GAS1: variants seen among roughly 807,000 people sequenced by gnomAD.
GAS1 encodes the protein growth arrest specific 1.
In GAS1, 10 loss-of-function variants were observed where a neutral mutation model predicts 21.6. The ratio of observed to expected loss-of-function variants is 0.46; its 90% CI spans 0.29 to 0.79. The LOEUF (loss-of-function observed/expected upper bound fraction) is 0.79, where lower values mean the gene tolerates loss of function less well. Among genes scored for constraint, GAS1 ranks in the 30% least tolerant of loss-of-function variants. The probability of loss-of-function intolerance (pLI) is 0.10; values close to 1 mark genes in which losing one functional copy is unlikely to be tolerated. For missense variants in GAS1, 567 were observed against 544.3 expected, an observed-to-expected ratio of 1.04 and a Z score of -0.42; for synonymous variants, 332 against 264.0, an observed-to-expected ratio of 1.26 and a Z score of -2.50.
In GAS1 at chr9:86,946,010, G is replaced by A. The variant is rs766456958; in HGVS notation, c.770C>T (p.Ser257Leu). Residue 257 changes from serine (S) to leucine (L), a missense_variant, in exon 1 of 1, where the codon TCG becomes TTG. Coordinates refer to ENST00000298743, the MANE Select transcript of GAS1 (RefSeq NM_002048.3). This position sits in a 1 kb window ranked among gnomAD's most constrained non-coding sequence, Gnocchi z 5.2. ...ELGNGPGSSG[S>L]DGGLDDYYDE... ...GTAGTAGTCGTCCAGGCCCCCGTCC[G>A]AGCCGCTGCTGCCGGGGCCGTTGCC... is the stretch of plus-strand genomic sequence containing the variant. 3.7e-6 allele frequency: 6 copies of A among 1,608,270 alleles called. No homozygotes were observed. In the East Asian group the frequency reaches 8.9e-5, roughly 24 times the overall value.
At position 86,945,910 on chromosome 9, in the gene GAS1, G is replaced by A; in HGVS notation, c.870C>T (p.Val290=). 6.4e-7 allele frequency: 1 copy of A among 1,555,012 alleles called. No individual in the cohort carries two copies. Among genetic ancestry groups the A allele is most frequent in the Non-Finnish European group, 8.7e-7 (1 of 1,153,494 alleles). The part of the protein sequence containing the change: ...GEQPLDDDDG[V]PHPPRPGSGA... ...CGCTGCCCGGGCGCGGTGGGTGCGG[G>A]ACGCCGTCGTCGTCGTCCAGCGGCT... The change falls in exon 1 of 1, where the codon GTC becomes GTT. Residue 290 remains valine (V), a synonymous_variant. Coordinates refer to ENST00000298743, the MANE Select transcript of GAS1 (RefSeq NM_002048.3).
At position 86,946,814 on chromosome 9, in the gene GAS1, A is replaced by G; in HGVS notation, c.-35T>C. 1.6e-6 allele frequency: 1 copy of G among 622,574 alleles called. No homozygotes were observed. 38.6% of individuals were successfully genotyped at this position (622,574 alleles called of 1,614,324 possible). A position where few individuals can be genotyped will look rare whatever the true frequency, so the allele number is the denominator to read the frequency against. On this transcript the variant is annotated 5_prime_UTR_variant, in exon 1 of 1. Transcript: ENST00000298743. This position sits in a 1 kb window ranked among gnomAD's most constrained non-coding sequence, Gnocchi z 5.2. ...CGGCGGCCGCCGGGAGAGGAGGGGAAAGGAGACGAGGCGCGGGGAGCGGCG... is the reference window on the plus strand; with the variant it reads ...CGGCGGCCGCCGGGAGAGGAGGGGAGAGGAGACGAGGCGCGGGGAGCGGCG...
In GAS1 at chr9:86,945,976, G is replaced by A. The variant is rs1825481038; in HGVS notation, c.804C>T (p.Asp268=). The A allele has an allele frequency of 6.2e-7, 1 of 1,606,978 alleles. No homozygotes were observed. Among genetic ancestry groups the A allele is most frequent in the South Asian group, 1.1e-5 (1 of 90,588 alleles). ...DGGLDDYYDE[D]YDDEQRTGGA... ...CCCCGGTGCGCTGCTCGTCATCGTAGTCCTCATCGTAGTAGTCGTCCAGGC... is the reference window on the plus strand; with the variant it reads ...CCCCGGTGCGCTGCTCGTCATCGTAATCCTCATCGTAGTAGTCGTCCAGGC... Residue 268 remains aspartate, a synonymous_variant, in exon 1 of 1, where the codon GAC becomes GAT. Coordinates refer to ENST00000298743, the MANE Select transcript of GAS1 (RefSeq NM_002048.3).
chr9:86,946,413 G>A lies in GAS1; in HGVS notation c.367C>T (p.Pro123Ser). 2 of 1,491,896 alleles carry A rather than the reference G, an allele frequency of 1.3e-6. No individual in the cohort carries two copies. The highest frequency in any genetic ancestry group is 8.9e-7 in the Non-Finnish European group (1 of 1,125,302). 92.4% of individuals were successfully genotyped at this position (1,491,896 alleles called of 1,614,324 possible). Residue 123 changes from proline to serine, a missense_variant, in exon 1 of 1, where the codon CCC (proline) becomes TCC (serine). Transcript: ENST00000298743. The surrounding 1 kb of genome is among the most constrained non-coding windows in gnomAD (Gnocchi z 5.2). Reference protein sequence around the residue: ...LIQLNHTRRGPALEDCDCAQD... With the variant: ...LIQLNHTRRGSALEDCDCAQD... ...GCGCAGTCACAGTCCTCCAGGGCGGGCCCGCGGCGCGTGTGGTTGAGCTGA... is the reference window on the plus strand; with the variant it reads ...GCGCAGTCACAGTCCTCCAGGGCGGACCCGCGGCGCGTGTGGTTGAGCTGA...
chr9:86,946,846 G>A lies in GAS1; in HGVS notation c.-67C>T, dbSNP rs556300006. On this transcript the variant is annotated 5_prime_UTR_variant, in exon 1 of 1. Coordinates refer to ENST00000298743, the MANE Select transcript of GAS1 (RefSeq NM_002048.3). This position sits in a 1 kb window ranked among gnomAD's most constrained non-coding sequence, Gnocchi z 5.2. ...CGAGGCGCGGGGAGCGGCGGACGCG[G>A]AGCCGGTGGAAAAGTTTGTCCAAGT... 41 of 457,130 alleles carry A rather than the reference G, an allele frequency of 9.0e-5. No homozygotes were observed. Among genetic ancestry groups the A allele is most frequent in the Middle Eastern group, 6.5e-4 (1 of 1,534 alleles). 28.3% of individuals were successfully genotyped at this position (457,130 alleles called of 1,614,324 possible). A position where few individuals can be genotyped will look rare whatever the true frequency, so the allele number is the denominator to read the frequency against.
chr9:86,946,030 G>T lies in GAS1; in HGVS notation c.750C>A (p.Asn250Lys). 2 of 1,608,002 alleles carry T rather than the reference G, an allele frequency of 1.2e-6. No individual in the cohort carries two copies. ...ARLCFGAELG[N>K]GPGSSGSDGG... The stretch of plus-strand genomic sequence containing the variant: ...CGTCCGAGCCGCTGCTGCCGGGGCC[G>T]TTGCCCAGCTCGGCGCCGAAGCACA... The change falls in exon 1 of 1, where the codon AAC (asparagine) becomes AAA (lysine). Residue 250 changes from asparagine (N) to lysine (K), a missense_variant. Coordinates refer to ENST00000298743, the MANE Select transcript of GAS1 (RefSeq NM_002048.3). This position sits in a 1 kb window ranked among gnomAD's most constrained non-coding sequence, Gnocchi z 5.2.
Position 86,946,997 on chromosome 9 carries a change from G to A in GAS1, c.-218C>T, listed in dbSNP as rs1165091983. On this transcript the variant is annotated 5_prime_UTR_variant, in exon 1 of 1. Transcript: ENST00000298743. The surrounding 1 kb of genome is among the most constrained non-coding windows in gnomAD (Gnocchi z 5.2). ...CTTCCTGGAAATGAACAGCTGTCGAGATCTGGTCCCGCTCTCCCACCCGAG... is the reference window on the plus strand; with the variant it reads ...CTTCCTGGAAATGAACAGCTGTCGAAATCTGGTCCCGCTCTCCCACCCGAG... 9.6e-6 allele frequency: 3 copies of A among 313,450 alleles called. No homozygotes were observed. The highest frequency in any genetic ancestry group is 1.2e-5 in the Non-Finnish European group (2 of 163,848). 19.4% of individuals were successfully genotyped at this position (313,450 alleles called of 1,614,324 possible).
chr9:86,946,132 C>T lies in GAS1; in HGVS notation c.648G>A (p.Ala216=), dbSNP rs778703916. The change falls in exon 1 of 1, where the codon GCG becomes GCA. Residue 216 remains alanine (A), a synonymous_variant. Coordinates refer to ENST00000298743, the MANE Select transcript of GAS1 (RefSeq NM_002048.3). This position sits in a 1 kb window ranked among gnomAD's most constrained non-coding sequence, Gnocchi z 5.2. ...CGCACACGCAGTCGTTGAGCAGCGC[C>T]GCCTTGGGCATAGCCAGCATGTCCT... is the stretch of plus-strand genomic sequence containing the variant. ...VIEDMLAMPK[A]ALLNDCVCDG... The T allele has an allele frequency of 1.2e-6, 2 of 1,609,152 alleles. No homozygotes were observed. The highest frequency in any genetic ancestry group is 3.3e-5 in the Admixed American group (2 of 59,996).
Position 86,946,603 on chromosome 9 carries a change from C to T in GAS1, c.177G>A (p.Pro59=), listed in dbSNP as rs1442633125. 4 of 1,449,606 alleles carry T rather than the reference C, an allele frequency of 2.8e-6. No homozygotes were observed. Among genetic ancestry groups the T allele is most frequent in the South Asian group, 1.3e-5 (1 of 75,928 alleles). The allele number at this position is 1,449,606 out of a possible 1,614,324, so 89.8% of individuals were successfully genotyped here. Reference sequence around the variant, plus strand: ...ACTGGTTGTAGGCGTAGCTGCACTCCGGCTCCCCCTGGCACTGCAGCAGCG... The same window carrying T: ...ACTGGTTGTAGGCGTAGCTGCACTCTGGCTCCCCCTGGCACTGCAGCAGCG... The part of the protein sequence containing the change: ...WQALLQCQGE[P]ECSYAYNQYA... Residue 59 remains proline, a synonymous_variant, in exon 1 of 1, where the codon CCG becomes CCA. Coordinates refer to ENST00000298743, the MANE Select transcript of GAS1 (RefSeq NM_002048.3). The surrounding 1 kb of genome is among the most constrained non-coding windows in gnomAD (Gnocchi z 5.2).
rs1434021740 is a variant in GAS1 at position 86,945,997 on chromosome 9, C to T, written c.783G>A (p.Leu261=). The T allele has an allele frequency of 6.2e-7, 1 of 1,608,074 alleles. No individual in the cohort carries two copies. Among genetic ancestry groups the T allele is most frequent in the Non-Finnish European group, 8.5e-7 (1 of 1,179,204 alleles). Residue 261 remains leucine, a synonymous_variant, in exon 1 of 1, where the codon CTG becomes CTA. Coordinates refer to ENST00000298743, the MANE Select transcript of GAS1 (RefSeq NM_002048.3). ...CGTAGTCCTCATCGTAGTAGTCGTC[C>T]AGGCCCCCGTCCGAGCCGCTGCTGC... ...GPGSSGSDGG[L]DDYYDEDYDD...
rs1162665159 is a variant in GAS1 at position 86,946,797 on chromosome 9, G to T, written c.-18C>A. On this transcript the variant is annotated 5_prime_UTR_variant, in exon 1 of 1. Coordinates refer to ENST00000298743, the MANE Select transcript of GAS1 (RefSeq NM_002048.3). The surrounding 1 kb of genome is among the most constrained non-coding windows in gnomAD (Gnocchi z 5.2). ...GCCACCATCGCGGGCAGCGGCGGCC[G>T]CCGGGAGAGGAGGGGAAAGGAGACG... is the stretch of plus-strand genomic sequence containing the variant. 2 of 760,784 alleles carry T rather than the reference G, an allele frequency of 2.6e-6. No homozygotes were observed. The allele number at this position is 760,784 out of a possible 1,614,324, so 47.1% of individuals were successfully genotyped here. A position where few individuals can be genotyped will look rare whatever the true frequency, so the allele number is the denominator to read the frequency against.
Position 86,946,740 on chromosome 9 carries a change from C to G in GAS1, c.40G>C (p.Gly14Arg). 3 of 1,262,236 alleles carry G rather than the reference C, an allele frequency of 2.4e-6. No homozygotes were observed. Among genetic ancestry groups the G allele is most frequent in the Non-Finnish European group, 3.1e-6 (3 of 976,630 alleles). 78.2% of individuals were successfully genotyped at this position (1,262,236 alleles called of 1,614,324 possible). A position where few individuals can be genotyped will look rare whatever the true frequency, so the allele number is the denominator to read the frequency against. Reference protein sequence around the residue: ...ALLGGGGEARGGTVPGAWLCL... With the variant: ...ALLGGGGEARRGTVPGAWLCL... The stretch of plus-strand genomic sequence containing the variant: ...AGCCAGGCGCCCGGCACTGTCCCCC[C>G]GCGGGCCTCGCCGCCGCCGCCCAGC... The change falls in exon 1 of 1, where the codon GGG (glycine) becomes CGG (arginine). Residue 14 changes from glycine (G) to arginine (R), a missense_variant. Coordinates refer to ENST00000298743, the MANE Select transcript of GAS1 (RefSeq NM_002048.3). This position sits in a 1 kb window ranked among gnomAD's most constrained non-coding sequence, Gnocchi z 5.2.
At position 86,946,654 on chromosome 9, in the gene GAS1, G is replaced by A. The variant is rs1195620086; in HGVS notation, c.126C>T (p.His42=). Reference sequence around the variant, plus strand: ...CCTGCCAGCAGATGAGGCGGCGGCCGTGCGCCAGCCCCGATCCCCGCGGCG... The same window carrying A: ...CCTGCCAGCAGATGAGGCGGCGGCCATGCGCCAGCCCCGATCCCCGCGGCG... ...GSAPRGSGLA[H]GRRLICWQAL... is the part of the protein sequence containing the mutation. Residue 42 remains histidine, a synonymous_variant, in exon 1 of 1, where the codon CAC becomes CAT. Transcript: ENST00000298743. The surrounding 1 kb of genome is among the most constrained non-coding windows in gnomAD (Gnocchi z 5.2). The A allele has an allele frequency of 8.3e-6, 12 of 1,443,874 alleles. No individual in the cohort carries two copies. Among genetic ancestry groups the A allele is most frequent in the East Asian group, 3.1e-5 (1 of 32,336 alleles). The allele number at this position is 1,443,874 out of a possible 1,614,324, so 89.4% of individuals were successfully genotyped here.
chr9:86,946,497 AGGCCGGGAAAGCGGCGGCGGC>A lies in GAS1; in HGVS notation c.262_282del (p.Ala88_Ala94del). On this transcript the variant is annotated inframe_deletion, in exon 1 of 1. Coordinates refer to ENST00000298743, the MANE Select transcript of GAS1 (RefSeq NM_002048.3). This position sits in a 1 kb window ranked among gnomAD's most constrained non-coding sequence, Gnocchi z 5.2. ...CAGCGCGACGAGAAAGAGGCGGCCG[AGGCCGGGAAAGCGGCGGCGGC>A]GGCCCCGGGCGCGTCGCCCCCGCCG... is the stretch of plus-strand genomic sequence containing the variant. The A allele has an allele frequency of 6.9e-7, 1 of 1,442,462 alleles. No individual in the cohort carries two copies. The highest frequency in any genetic ancestry group is 2.4e-5 in the Admixed American group (1 of 42,360). 89.4% of individuals were successfully genotyped at this position (1,442,462 alleles called of 1,614,324 possible). A position where few individuals can be genotyped will look rare whatever the true frequency, so the allele number is the denominator to read the frequency against.
At position 86,946,393 on chromosome 9, in the gene GAS1, G is replaced by C. The variant is rs1348435065; in HGVS notation, c.387C>G (p.Asp129Glu). ...TRRGPALEDC[D>E]CAQDENCKST... ...ACTTGCAGTTCTCGTCCTGCGCGCAGTCACAGTCCTCCAGGGCGGGCCCGC... is the reference window on the plus strand; with the variant it reads ...ACTTGCAGTTCTCGTCCTGCGCGCACTCACAGTCCTCCAGGGCGGGCCCGC... Residue 129 changes from aspartate (D) to glutamate (E), a missense_variant, in exon 1 of 1, where the codon GAC (aspartate) becomes GAG (glutamate). By Grantham distance (45) the Asp-to-Glu change is conservative (BLOSUM62 2). Coordinates refer to ENST00000298743, the MANE Select transcript of GAS1 (RefSeq NM_002048.3). This position sits in a 1 kb window ranked among gnomAD's most constrained non-coding sequence, Gnocchi z 5.2. The C allele has an allele frequency of 1.3e-6, 2 of 1,484,474 alleles. No homozygotes were observed. Among genetic ancestry groups the C allele is most frequent in the South Asian group, 2.5e-5 (2 of 79,968 alleles). 92.0% of individuals were successfully genotyped at this position (1,484,474 alleles called of 1,614,324 possible). A position where few individuals can be genotyped will look rare whatever the true frequency, so the allele number is the denominator to read the frequency against.
At position 86,945,422 on chromosome 9, in the gene GAS1, C is replaced by A. The variant is rs989312093; in HGVS notation, c.*320G>T. 7.8e-6 allele frequency: 2 copies of A among 255,548 alleles called. No homozygotes were observed. Among genetic ancestry groups the A allele is most frequent in the African/African-American group, 2.3e-5 (1 of 44,420 alleles). 15.8% of individuals were successfully genotyped at this position (255,548 alleles called of 1,614,324 possible). ...AGTCCAGGACTACTGTTCTGTCCCC[C>A]ACATGCTTGCTTCCTCCCGGACGTC... is the stretch of plus-strand genomic sequence containing the variant. On this transcript the variant is annotated 3_prime_UTR_variant, in exon 1 of 1. Coordinates refer to ENST00000298743, the MANE Select transcript of GAS1 (RefSeq NM_002048.3).
Position 86,946,559 on chromosome 9 carries a change from G to A in GAS1, c.221C>T (p.Pro74Leu), listed in dbSNP as rs568303782. 35 of 1,394,588 alleles carry A rather than the reference G, an allele frequency of 2.5e-5. No homozygotes were observed. The Admixed American group carries it at 6.1e-4, about 24-fold the overall frequency. 86.4% of individuals were successfully genotyped at this position (1,394,588 alleles called of 1,614,324 possible). The change falls in exon 1 of 1, where the codon CCG (proline) becomes CTG (leucine). Residue 74 changes from proline to leucine, a missense_variant. Transcript: ENST00000298743. The surrounding 1 kb of genome is among the most constrained non-coding windows in gnomAD (Gnocchi z 5.2). ...AYNQYAEACA[P>L]VLAQHGGGDA... ...GCCCCCGCCGTGCTGCGCCAGCACC[G>A]GCGCGCACGCCTCGGCGTACTGGTT...
Position 86,945,953 on chromosome 9 carries a change from C to T in GAS1, c.827G>A (p.Gly276Glu), listed in dbSNP as rs759114609. The T allele has an allele frequency of 6.3e-7, 1 of 1,598,328 alleles. No individual in the cohort carries two copies. Among genetic ancestry groups the T allele is most frequent in the Non-Finnish European group, 8.5e-7 (1 of 1,175,092 alleles). Residue 276 changes from glycine (G) to glutamate (E), a missense_variant, in exon 1 of 1, where the codon GGG becomes GAG. Coordinates refer to ENST00000298743, the MANE Select transcript of GAS1 (RefSeq NM_002048.3). ...DEDYDDEQRT[G>E]GAGGEQPLDD... Reference sequence around the variant, plus strand: ...CAGCGGCTGCTCACCACCCGCGCCCCCGGTGCGCTGCTCGTCATCGTAGTC... The same window carrying T: ...CAGCGGCTGCTCACCACCCGCGCCCTCGGTGCGCTGCTCGTCATCGTAGTC...
Position 86,946,295 on chromosome 9 carries a change from C to T in GAS1, c.485G>A (p.Gly162Glu). 1 of 1,439,780 alleles carries T rather than the reference C, an allele frequency of 6.9e-7. No individual in the cohort carries two copies. The highest frequency in any genetic ancestry group is 1.5e-5 in the African/African-American group (1 of 67,572). The allele number at this position is 1,439,780 out of a possible 1,614,324, so 89.2% of individuals were successfully genotyped here. The change falls in exon 1 of 1, where the codon GGG becomes GAG. Residue 162 changes from glycine (G) to glutamate (E), a missense_variant. By Grantham distance (98) the Gly-to-Glu change is moderately conservative. Transcript: ENST00000298743. The surrounding 1 kb of genome is among the most constrained non-coding windows in gnomAD (Gnocchi z 5.2). The part of the protein sequence containing the change: ...GGGAGGPGAG[G>E]VMGCTEARRR... ...CCGGGCCTCGGTGCAGCCCATGACCCCGCCCGCGCCGGGGCCGCCCGCGCC... is the reference window on the plus strand; with the variant it reads ...CCGGGCCTCGGTGCAGCCCATGACCTCGCCCGCGCCGGGGCCGCCCGCGCC...
Sources: gnomAD v4.1 joint callset for allele counts on GRCh38, gnomAD v4.1.1 for gene constraint, Gnocchi (gnomAD v3.1) non-coding constraint, MANE v1.5 for transcripts, NCBI Gene and HGNC (gene_info 2026-07-23, HGNC 2026-07-21) for gene names.